The following PDE4B variants were observed in gnomAD, a reference collection of about 807,000 sequenced individuals.
PDE4B encodes phosphodiesterase 4B, also known as 3',5'-cyclic-AMP phosphodiesterase 4B.
PDE4B carries 20 observed loss-of-function variants against 82.2 expected under a neutral mutation model. The ratio of observed to expected loss-of-function variants is 0.24; its 90% confidence interval spans 0.17 to 0.35. PDE4B has a LOEUF of 0.35. PDE4B is among the 10% of genes least tolerant of loss of function. The pLI is 1.00. For missense variants in PDE4B, 655 were observed against 907.2 expected, an observed-to-expected ratio of 0.72 and a Z score of 3.57; for synonymous variants, 320 against 318.9, an observed-to-expected ratio of 1.00 and a Z score of -0.04.
chr1:66,170,796 G>A (rs1169202266), intron 3 of PDE4B, among the ~76,000 whole-genome samples: 1 of 152,054 alleles, frequency 6.6e-6, no homozygotes, highest in Non-Finnish European at 1.5e-5. Flanking sequence ...GAATGCAAAG[G>A]GTATCACAAA....
rs553136886 is a variant in PDE4B, at chr1:66,240,300, G to A, written c.282-7160G>A. Among the ~76,000 whole-genome samples, 4 of 152,338 alleles carry A rather than the reference G, an allele frequency of 2.6e-5. No individual in the cohort carries two copies. In the South Asian group the frequency reaches 8.3e-4, roughly 32 times the overall value. Reference sequence around the variant, plus strand: ...TTATTCATCAGACGTGATAGGCATGGCCCTTAGCACTGGGGTTAAAAATAA... The same window carrying A: ...TTATTCATCAGACGTGATAGGCATGACCCTTAGCACTGGGGTTAAAAATAA... On this transcript the variant is annotated intron_variant, in intron 3 of 16. Transcript: ENST00000341517.
chr1:66,303,743 T>A (rs995918688), intron 7 of PDE4B, among the ~76,000 whole-genome samples: 4 of 152,128 alleles, frequency 2.6e-5, no homozygotes, highest in African/African-American at 9.7e-5. Context: ...AGCATTTGTG[T>A]ATCCTTATGG....
intron 3 of PDE4B, among the ~76,000 whole-genome samples, chr1:66,195,881 G>C (rs1338849460): frequency 6.6e-6 from 1 of 151,128 alleles, no homozygotes; most frequent in Non-Finnish European, 1.5e-5. Context: ...TTATTTCCAA[G>C]AGTGGTATTG....
chr1:66,112,288 T>G (rs1424327823), intron 3 of PDE4B, among the ~76,000 whole-genome samples: 2 of 152,138 alleles, frequency 1.3e-5, no homozygotes, highest in Non-Finnish European at 2.9e-5. Context: ...GCTTTTGTAC[T>G]TTTCATTTAG....
chr1:66,197,210 G>T (rs1158036407), intron 3 of PDE4B, among the ~76,000 whole-genome samples: 2 of 151,596 alleles, frequency 1.3e-5, no homozygotes, highest in African/African-American at 4.8e-5. Flanking sequence ...TCCCACTTAA[G>T]GCCTAAATTA....
At chr1:65,886,163 A>G (rs1646773652) in intron 1 of PDE4B, among the ~76,000 whole-genome samples, 2 of 152,008 alleles carry the variant, frequency 1.3e-5, no homozygotes, top group Admixed American at 1.3e-4. Flanking sequence ...AAAAAAATAA[A>G]TTGCTGAATC....
At chr1:65,819,504 G>GTTTTTTT (rs35338207) in intron 1 of PDE4B, among the ~76,000 whole-genome samples, 10 of 114,168 alleles carry the variant, frequency 8.8e-5, no homozygotes, top group African/African-American at 1.2e-4. Context: ...TTTTTGTTTT[G>GTTTTTTT]TTTTTTTTTT....
intron 9 of PDE4B, chr1:66,360,816 C>A (rs983465652): frequency 4.6e-5 from 7 of 151,992 alleles, no homozygotes; most frequent in Admixed American, 2.6e-4. Flanking sequence ...CTAATCCTAG[C>A]TCTGCTGTTA....
chr1:66,363,761 T>G (rs1474128018), intron 12 of PDE4B, among the ~76,000 whole-genome samples, 190 bp downstream of exon 12: 2 of 152,070 alleles, frequency 1.3e-5, no homozygotes, highest in Non-Finnish European at 2.9e-5. Context: ...TGGGCAACCC[T>G]GTCTCTAAAA....
intron 3 of PDE4B, among the ~76,000 whole-genome samples, chr1:66,018,293 G>A (rs1389501096): frequency 2.0e-5 from 3 of 152,000 alleles, no homozygotes; most frequent in African/African-American, 4.8e-5. Context: ...GGTGGCGGGC[G>A]CCTGTAGTCC....
rs1207456545 is a variant in PDE4B at position 65,887,976 on chromosome 1, G to GT, written c.-70-25264dup. On this transcript the variant is annotated intron_variant, in intron 1 of 16. Coordinates refer to ENST00000341517, the MANE Select transcript of PDE4B (RefSeq NM_002600.4). Reference sequence around the variant, plus strand: ...ACTGTAGTCTCATTTGTCTATTTTTGTTTTTGTTGCCCGTGCTTTTGAGGT... The same window carrying GT: ...ACTGTAGTCTCATTTGTCTATTTTTGTTTTTTGTTGCCCGTGCTTTTGAGGT... 4.6e-5 allele frequency among the ~76,000 whole-genome samples: 7 copies of GT among 152,018 alleles called. No homozygotes were observed. The East Asian group carries it at 1.3e-3, about 29-fold the overall frequency.
At chr1:65,904,337 GA>G (rs1479758204) in intron 1 of PDE4B, among the ~76,000 whole-genome samples, 1 of 152,090 alleles carries the variant, frequency 6.6e-6, no homozygotes, top group Non-Finnish European at 1.5e-5. Flanking sequence ...TAATTTAGAA[GA>G]AAAAATACTT....
chr1:66,354,252 G>A (rs559025054), intron 8 of PDE4B: 6 of 224,658 alleles, frequency 2.7e-5, no homozygotes, highest in Non-Finnish European at 4.5e-5. Context: ...TAGAGCGGCT[G>A]GATTTTTGTG....
At chr1:66,162,776 C>T (rs1486007900) in intron 3 of PDE4B, among the ~76,000 whole-genome samples, 1 of 152,154 alleles carries the variant, frequency 6.6e-6, no homozygotes, top group Non-Finnish European at 1.5e-5. Context: ...TGAGATGCTT[C>T]ATCTGTACTT....
intron 3 of PDE4B, among the ~76,000 whole-genome samples, chr1:66,206,746 T>C (rs1316718701): frequency 2.0e-5 from 3 of 152,158 alleles, no homozygotes; most frequent in Non-Finnish European, 4.4e-5. Context: ...GGGCAGCCAG[T>C]CACCCATGGA....
At chr1:66,107,646 C>T (rs1386838290) in intron 3 of PDE4B, among the ~76,000 whole-genome samples, 1 of 151,950 alleles carries the variant, frequency 6.6e-6, no homozygotes, top group Admixed American at 6.6e-5. Flanking sequence ...ATATTCACTT[C>T]AAGGCAAAAC....
chr1:65,863,002 T>C (rs918643905), intron 1 of PDE4B, among the ~76,000 whole-genome samples: 1 of 152,186 alleles, frequency 6.6e-6, no homozygotes, highest in Non-Finnish European at 1.5e-5. Flanking sequence ...AACCAGCTCC[T>C]GGATTCATTG....
intron 3 of PDE4B, among the ~76,000 whole-genome samples, chr1:66,183,561 T>G (rs983820080): frequency 2.6e-5 from 4 of 152,300 alleles, no homozygotes; most frequent in African/African-American, 9.6e-5. Flanking sequence ...TGAAATACAG[T>G]TGAAAAATAC....
rs1289588314 is a variant in PDE4B, at chr1:66,361,783, A to G, written c.1010A>G (p.His337Arg). The part of the protein sequence containing the change: ...RFGVNTENED[H>R]LAKELEDLNK... ...GGAGTCAACACTGAAAATGAAGATC[A>G]CCTGGCCAAGGTGTGTATAAGCTCA... Residue 337 changes from histidine to arginine, a missense_variant, in exon 10 of 17, where the codon CAC (histidine) becomes CGC (arginine). His to Arg is a conservative substitution (Grantham distance 29). Coordinates refer to ENST00000341517, the MANE Select transcript of PDE4B (RefSeq NM_002600.4). 2.5e-6 allele frequency: 4 copies of G among 1,611,474 alleles called. No homozygotes were observed. The highest frequency in any genetic ancestry group is 3.4e-6 in the Non-Finnish European group (4 of 1,178,394).
Sources: gnomAD v4.1 joint callset for allele counts (sites outside exome capture counted in the v4.1 genomes callset) on GRCh38, gnomAD v4.1.1 for gene constraint, MANE v1.5 for transcripts, NCBI Gene and HGNC (gene_info 2026-07-23, HGNC 2026-07-21) for gene names.